ADH4: variants seen among roughly 807,000 people sequenced by gnomAD.
ADH4 encodes all-trans-retinol dehydrogenase [NAD(+)] ADH4.
ADH4 carries 31 observed loss-of-function variants against 35.2 expected under a neutral mutation model. The ratio of observed to expected loss-of-function variants is 0.88; its 90% CI spans 0.66 to 1.19. The LOEUF (loss-of-function observed/expected upper bound fraction) is 1.19, where lower values mean the gene tolerates loss of function less well. Among genes scored for constraint, ADH4 ranks in the 50% most tolerant of loss-of-function variants. ADH4 has a pLI of 0.00. For synonymous variants in ADH4, 171 were observed against 160.2 expected (o/e 1.07, Z -0.51); for missense variants, 476 against 458.3 (o/e 1.04, Z -0.35).
rs749221699 is a variant in ADH4, at chr4:99,124,419, A to G, written c.*23T>C. On this transcript the variant is annotated 3_prime_UTR_variant, in exon 9 of 9. Coordinates refer to ENST00000265512, the MANE Select transcript of ADH4 (RefSeq NM_000670.5). ...GCAGGTTCACATTCAATCAGATAGT[A>G]TTCTGAATTGCTCCTGGCATCTTCA... 2.0e-6 allele frequency: 3 copies of G among 1,481,934 alleles called. No homozygotes were observed. The Admixed American group carries it at 5.2e-5, about 26-fold the overall frequency. The allele number at this position is 1,481,934 out of a possible 1,614,324, so 91.8% of individuals were successfully genotyped here. A position where few individuals can be genotyped will look rare whatever the true frequency, so the allele number is the denominator to read the frequency against.
At chr4:99,130,646 G>A (rs11732799) in intron 6 of ADH4, among the ~76,000 whole-genome samples, 1 of 152,220 alleles carries the variant, frequency 6.6e-6, no homozygotes, top group South Asian at 2.1e-4. Context: ...TAATAAGTCA[G>A]CTTAATAATA....
In ADH4 at chr4:99,136,551, A is replaced by G. The variant is rs778000473; in HGVS notation, c.497T>C (p.Ile166Thr). 3 of 1,614,060 alleles carry G rather than the reference A, an allele frequency of 1.9e-6. No individual in the cohort carries two copies. In the African/African-American group the frequency reaches 4.0e-5, roughly 22 times the overall value. ...TVVSDINLAK[I>T]DDDANLERVC... ...TCTCTCTAAATTTGCATCATCATCT[A>G]TTTTGGCAAGATTGATATCTGACAC... The change falls in exon 5 of 9, where the codon ATA (isoleucine) becomes ACA (threonine). Residue 166 changes from isoleucine (I) to threonine (T), a missense_variant. Physicochemically the swap from Ile to Thr is moderately conservative, Grantham distance 89 (BLOSUM62 -1). Coordinates refer to ENST00000265512, the MANE Select transcript of ADH4 (RefSeq NM_000670.5).
At chr4:99,141,842 T>C (rs1729635357) in intron 2 of ADH4, among the ~76,000 whole-genome samples, 160 bp from the exon 3 acceptor site, 2 of 152,188 alleles carry the variant, frequency 1.3e-5, no homozygotes, top group Admixed American at 6.5e-5. Context: ...AAAAATATAC[T>C]GGGTTAGATT....
Position 99,135,099 on chromosome 4 carries a change from C to T in ADH4, c.582+1367G>A, listed in dbSNP as rs547633512. On this transcript the variant is annotated intron_variant, in intron 5 of 8. Coordinates refer to ENST00000265512, the MANE Select transcript of ADH4 (RefSeq NM_000670.5). ...TCAAGGAACAAATAGTACAATAGGA[C>T]AAAAAAATAAATGGGAGATTTCTCT... 2.6e-5 allele frequency among the ~76,000 whole-genome samples: 4 copies of T among 151,916 alleles called. No individual in the cohort carries two copies. The East Asian group carries it at 7.7e-4, about 29-fold the overall frequency.
At chr4:99,135,133 A>G (rs1419846155) in intron 5 of ADH4, among the ~76,000 whole-genome samples, 1 of 152,162 alleles carries the variant, frequency 6.6e-6, no homozygotes, top group African/African-American at 2.4e-5. Context: ...CTATAGTGTG[A>G]TAAGAATGAA....
Position 99,129,219 on chromosome 4 carries a change from A to G in ADH4, c.844-1875T>C, listed in dbSNP as rs1011554324. Among the ~76,000 whole-genome samples the G allele has an allele frequency of 3.9e-5, 6 of 152,200 alleles. No homozygotes were observed. The South Asian group carries it at 6.2e-4, about 16-fold the overall frequency. ...TGTAAAGTTATAAATATAAAAATGT[A>G]TTTTTAATAAAAGGGTTATTAAAAA... On this transcript the variant is annotated intron_variant, in intron 6 of 8. Coordinates refer to ENST00000265512, the MANE Select transcript of ADH4 (RefSeq NM_000670.5).
intron 3 of ADH4, 44 bp from the exon 4 acceptor site, chr4:99,139,192 T>C (rs770445824): frequency 2.3e-6 from 3 of 1,298,366 alleles, no homozygotes; most frequent in African/African-American, 1.5e-5. Flanking sequence ...AAGGTGTTAC[T>C]TATAGCTTCT....
At chr4:99,128,285 A>G (rs1240767664) in intron 6 of ADH4, among the ~76,000 whole-genome samples, 1 of 152,130 alleles carries the variant, frequency 6.6e-6, no homozygotes, top group Non-Finnish European at 1.5e-5. Context: ...AAATACAAAA[A>G]AGTAGCCAGA....
In ADH4 at chr4:99,136,750, G is replaced by C; in HGVS notation, c.351-53C>G. On this transcript the variant is annotated intron_variant, in intron 4 of 8. Coordinates refer to ENST00000265512, the MANE Select transcript of ADH4 (RefSeq NM_000670.5). The stretch of plus-strand genomic sequence containing the variant: ...AAATAAAGAGAAGTTATAATAAATG[G>C]AACACTGATCATTTTCCTACAAAAT... The C allele has an allele frequency of 3.6e-6, 4 of 1,121,718 alleles. No homozygotes were observed. The South Asian group carries it at 5.7e-5, about 16-fold the overall frequency. The allele number at this position is 1,121,718 out of a possible 1,614,324, so 69.5% of individuals were successfully genotyped here.
At chr4:99,141,515 C>A in intron 3 of ADH4, 26 bp downstream of exon 3, 10 of 1,594,752 alleles carry the variant, frequency 6.3e-6, no homozygotes, top group Non-Finnish European at 8.6e-6. Context: ...GTGACATTTC[C>A]ATTTTTTCTG....
chr4:99,124,701 C>T (rs29001237), intron 8 of ADH4, among the ~76,000 whole-genome samples: 2,812 of 152,188 alleles, frequency 0.018, 77 homozygotes, highest in African/African-American at 0.063. Context: ...CCTTAGGCAG[C>T]GTCCTTGTTA....
Position 99,136,460 on chromosome 4 carries a change from A to G in ADH4, c.582+6T>C. ...GTTTTACACAAACTGGTGTTTAACC[A>G]TTTACCTTGGCATTGTTGATTGCAG... On this transcript the variant is annotated splice_donor_region_variant and intron_variant, in intron 5 of 8. Transcript: ENST00000265512. The G allele has an allele frequency of 6.2e-7, 1 of 1,612,234 alleles. No individual in the cohort carries two copies. Among genetic ancestry groups the G allele is most frequent in the Non-Finnish European group, 8.5e-7 (1 of 1,178,500 alleles).
At chr4:99,130,547 C>T (rs752544776) in intron 6 of ADH4, among the ~76,000 whole-genome samples, 1 of 152,128 alleles carries the variant, frequency 6.6e-6, no homozygotes, top group Non-Finnish European at 1.5e-5. Context: ...GTAGGTAACT[C>T]ATCTTTTGGT....
chr4:99,137,246 G>C (rs1729470083), intron 4 of ADH4, among the ~76,000 whole-genome samples: 2 of 152,100 alleles, frequency 1.3e-5, no homozygotes, highest in Non-Finnish European at 2.9e-5. Context: ...TCCTGCCTCA[G>C]CCTCCCGAGT....
At chr4:99,143,135 A>T (rs1249295144) in intron 1 of ADH4, 1 of 701,726 alleles carries the variant, frequency 1.4e-6, no homozygotes, top group Non-Finnish European at 2.6e-6. Flanking sequence ...AAATCTATTG[A>T]GTGAACTGTT....
At chr4:99,126,799 G>T (rs775514205) in intron 7 of ADH4, 67 bp from the exon 8 acceptor site, 7 of 1,443,660 alleles carry the variant, frequency 4.8e-6, no homozygotes, top group Non-Finnish European at 6.6e-6. Flanking sequence ...ATCAGCATTT[G>T]CTGAATGAAT....
Position 99,126,722 on chromosome 4 carries a change from A to T in ADH4, c.990T>A (p.Ser330Arg). 1 of 1,605,976 alleles carries T rather than the reference A, an allele frequency of 6.2e-7. No homozygotes were observed. Among genetic ancestry groups the T allele is most frequent in the Non-Finnish European group, 8.5e-7 (1 of 1,174,078 alleles). ...TGACCAGCTTTGGGATAGAATCTAC[A>T]CTTTTCCAACCTGTAATGTGGACAA... ...INGTFFGGWKSVDSIPKLVTD... is the reference protein window; with the variant it reads ...INGTFFGGWKRVDSIPKLVTD... The change falls in exon 8 of 9, where the codon AGT (serine) becomes AGA (arginine). Residue 330 changes from serine (S) to arginine (R), a missense_variant. Transcript: ENST00000265512.
chr4:99,139,169 T>C (rs1339759007), intron 3 of ADH4, 21 bp from the exon 4 acceptor site: 1 of 1,553,248 alleles, frequency 6.4e-7, no homozygotes, highest in Non-Finnish European at 8.9e-7. Context: ...AGGCCATATG[T>C]TGGATGGTGC....
intron 8 of ADH4, 143 bp downstream of exon 8, chr4:99,126,451 A>T (rs1487942923): frequency 2.9e-6 from 2 of 698,492 alleles, no homozygotes; most frequent in East Asian, 5.3e-5. Context: ...TGAAATGACC[A>T]CTATTTAATC....
Sources: gnomAD v4.1 joint callset for allele counts (sites outside exome capture counted in the v4.1 genomes callset) on GRCh38, gnomAD v4.1.1 for gene constraint, MANE v1.5 for transcripts, NCBI Gene and HGNC (gene_info 2026-07-23, HGNC 2026-07-21) for gene names.